PTPRG: variants seen among roughly 807,000 people sequenced by gnomAD.
PTPRG encodes protein tyrosine phosphatase receptor type G.
In PTPRG, 102 loss-of-function variants were observed where a neutral mutation model predicts 165.3. The ratio of observed to expected loss-of-function variants is 0.62; its 90% confidence interval spans 0.53 to 0.73. The LOEUF is 0.73. PTPRG is among the 30% of genes least tolerant of loss of function. The pLI, the probability that PTPRG is intolerant of heterozygous loss-of-function variation, is 0.00. For synonymous variants in PTPRG, 675 were observed against 669.5 expected (o/e 1.01, Z -0.13); for missense variants, 1,866 against 1,861.4 (o/e 1.00, Z -0.05).
At chr3:61,599,515 C>T (rs1169844561) in intron 1 of PTPRG, among the ~76,000 whole-genome samples, 1 of 152,026 alleles carries the variant, frequency 6.6e-6, no homozygotes, top group African/African-American at 2.4e-5. Context: ...TAGTTTGAGA[C>T]AGGGTCTAGC....
At chr3:61,720,496 C>T (rs1198717049) in intron 1 of PTPRG, among the ~76,000 whole-genome samples, 1 of 152,150 alleles carries the variant, frequency 6.6e-6, no homozygotes, top group Non-Finnish European at 1.5e-5. Context: ...GTGAACCGCT[C>T]AATGAATAAT....
At chr3:62,011,642 C>T (rs75033454) in intron 4 of PTPRG, among the ~76,000 whole-genome samples, 1 of 152,290 alleles carries the variant, frequency 6.6e-6, no homozygotes, top group African/African-American at 2.4e-5. Context: ...TGTTTAATTT[C>T]CATCTGGCTG....
At chr3:61,920,030 A>G (rs1298093887) in intron 2 of PTPRG, among the ~76,000 whole-genome samples, 1 of 152,182 alleles carries the variant, frequency 6.6e-6, no homozygotes, top group Non-Finnish European at 1.5e-5. Context: ...CTTACCCATA[A>G]CCAGCTACAG....
intron 1 of PTPRG, among the ~76,000 whole-genome samples, chr3:61,563,103 GA>G (rs1286112469): frequency 1.3e-5 from 2 of 151,746 alleles, no homozygotes; most frequent in East Asian, 3.9e-4. Context: ...TGCTCTGCTC[GA>G]TTGGATTGCC....
intron 1 of PTPRG, among the ~76,000 whole-genome samples, chr3:61,624,766 A>G (rs1004751280): frequency 1.6e-4 from 25 of 152,136 alleles, no homozygotes; most frequent in Non-Finnish European, 8.8e-5. Context: ...AGTACTTACC[A>G]CTGTGACTGG....
At chr3:61,609,183 A>C (rs946566038) in intron 1 of PTPRG, among the ~76,000 whole-genome samples, 1 of 152,186 alleles carries the variant, frequency 6.6e-6, no homozygotes, top group African/African-American at 2.4e-5. Context: ...GTGTCCCCTT[A>C]TCTGTAAAAT....
chr3:61,783,405 A>T (rs1030564077), intron 2 of PTPRG, among the ~76,000 whole-genome samples: 1 of 152,178 alleles, frequency 6.6e-6, no homozygotes, highest in Non-Finnish European at 1.5e-5. Flanking sequence ...TAAAATACTT[A>T]AAGAGTGTTC....
intron 1 of PTPRG, among the ~76,000 whole-genome samples, chr3:61,636,016 C>T (rs1346111145): frequency 2.0e-5 from 3 of 152,130 alleles, no homozygotes; most frequent in South Asian, 2.1e-4. Flanking sequence ...AACTGGAGAG[C>T]TCACCACTTC....
intron 1 of PTPRG, among the ~76,000 whole-genome samples, chr3:61,619,728 G>A (rs116012903): frequency 0.02 from 3,017 of 152,292 alleles, 48 homozygotes; most frequent in Non-Finnish European, 0.033. Flanking sequence ...AGTCAACAAG[G>A]AAGGTGAGCT....
intron 12 of PTPRG, among the ~76,000 whole-genome samples, chr3:62,216,732 T>C (rs895964982): frequency 6.6e-6 from 1 of 152,228 alleles, no homozygotes; most frequent in Admixed American, 6.5e-5. Flanking sequence ...CAGTAGTTTC[T>C]ACTGCTCTTA....
chr3:61,746,208 ATTTTTTTTT>A (rs750697053), intron 1 of PTPRG, among the ~76,000 whole-genome samples: 19 of 81,318 alleles, frequency 2.3e-4, no homozygotes, highest in South Asian at 2.0e-3. Context: ...ACACACTCTA[ATTTTTTTTT>A]TTTTTTTTTT....
chr3:61,628,728 G>T (rs552474535), intron 1 of PTPRG, among the ~76,000 whole-genome samples: 2 of 152,258 alleles, frequency 1.3e-5, no homozygotes, highest in East Asian at 3.9e-4. Context: ...TGGAGGTGGG[G>T]TAAGGTAGGG....
chr3:61,759,153 A>G (rs552438444), intron 2 of PTPRG, among the ~76,000 whole-genome samples: 34 of 152,202 alleles, frequency 2.2e-4, no homozygotes, highest in Non-Finnish European at 3.4e-4. Context: ...AAGGGTGGTT[A>G]TCTTCTTGGT....
At chr3:62,023,332 T>C (rs1292878639) in intron 4 of PTPRG, among the ~76,000 whole-genome samples, 3 of 152,212 alleles carry the variant, frequency 2.0e-5, no homozygotes. Flanking sequence ...AACAGACTTA[T>C]GATGAAATTT....
At chr3:61,976,005 C>T (rs1398836738) in intron 2 of PTPRG, among the ~76,000 whole-genome samples, 12 of 152,180 alleles carry the variant, frequency 7.9e-5, no homozygotes, top group Non-Finnish European at 1.8e-4. Context: ...ATGTCCTACC[C>T]TTGAAGAACC....
chr3:61,838,781 C>T (rs1447987806), intron 2 of PTPRG, among the ~76,000 whole-genome samples: 1 of 152,144 alleles, frequency 6.6e-6, no homozygotes, highest in Non-Finnish European at 1.5e-5. Flanking sequence ...CATTTGCTTT[C>T]TCTTGCTAAA....
intron 1 of PTPRG, among the ~76,000 whole-genome samples, chr3:61,607,362 T>A (rs1204088544): frequency 6.6e-6 from 1 of 152,132 alleles, no homozygotes; most frequent in Non-Finnish European, 1.5e-5. Context: ...GAAAATGCCA[T>A]ATGAATTCAG....
chr3:61,722,872 A>G (rs980614539), intron 1 of PTPRG, among the ~76,000 whole-genome samples: 5 of 152,168 alleles, frequency 3.3e-5, no homozygotes, highest in African/African-American at 1.2e-4. Context: ...TAAGAACTTT[A>G]TAAAGGTGCC....
At chr3:61,873,534 C>G (rs1285177869) in intron 2 of PTPRG, among the ~76,000 whole-genome samples, 1 of 152,138 alleles carries the variant, frequency 6.6e-6, no homozygotes, top group Non-Finnish European at 1.5e-5. Flanking sequence ...TGCAGCATTT[C>G]TTACTTTTAG....
Sources: gnomAD v4.1 joint callset for allele counts (sites outside exome capture counted in the v4.1 genomes callset) on GRCh38, gnomAD v4.1.1 for gene constraint, MANE v1.5 for transcripts, NCBI Gene and HGNC (gene_info 2026-07-23, HGNC 2026-07-21) for gene names.